Variants in OTUD7A observed in about 807,000 individuals in gnomAD.
The protein encoded by OTUD7A is OTU deubiquitinase 7A.
In OTUD7A, 12 loss-of-function variants were observed where a neutral mutation model predicts 65.7. The observed-to-expected ratio is 0.18, with a 90% CI of 0.12 to 0.30. OTUD7A has a LOEUF of 0.30. Among genes scored for constraint, OTUD7A ranks in the 10% least tolerant of loss-of-function variants. The probability of loss-of-function intolerance (pLI) is 1.00; values close to 1 mark genes in which losing one functional copy is unlikely to be tolerated. For missense variants in OTUD7A, 1,148 were observed against 1,304.8 expected, an observed-to-expected ratio of 0.88 and a Z score of 1.85; for synonymous variants, 641 against 586.3, an observed-to-expected ratio of 1.09 and a Z score of -1.35.
At chr15:31,618,291 C>G (rs1187399863) in intron 3 of OTUD7A, among the ~76,000 whole-genome samples, 4 of 152,282 alleles carry the variant, frequency 2.6e-5, no homozygotes, top group African/African-American at 9.6e-5. Flanking sequence ...TGGGTATATA[C>G]CCAGTAATGG....
At chr15:31,529,646 C>T (rs566245885) in intron 6 of OTUD7A, among the ~76,000 whole-genome samples, 1 of 152,302 alleles carries the variant, frequency 6.6e-6, no homozygotes, top group Admixed American at 6.5e-5. Flanking sequence ...CCTTGTTCTC[C>T]ATCCTCCTCT....
At chr15:31,803,380 A>G (rs989819189) in intron 1 of OTUD7A, among the ~76,000 whole-genome samples, 1 of 152,174 alleles carries the variant, frequency 6.6e-6, no homozygotes, top group Non-Finnish European at 1.5e-5. Context: ...CATTCCTTAA[A>G]GATTGTATAT....
intron 1 of OTUD7A, among the ~76,000 whole-genome samples, chr15:31,676,098 A>T (rs1256670753): frequency 6.6e-6 from 1 of 152,222 alleles, no homozygotes. Context: ...CACTTCACAC[A>T]TAAAGATATT....
chr15:31,772,438 G>GA (rs1331348883), intron 1 of OTUD7A, among the ~76,000 whole-genome samples: 3 of 151,708 alleles, frequency 2.0e-5, no homozygotes, highest in Admixed American at 1.3e-4. Flanking sequence ...AGGAATAAAC[G>GA]AAAAAAAATG....
rs1567004737 is a variant in OTUD7A, at chr15:31,753,685, A to ATATATATATATATATAT, written c.-99-96609_-99-96608insATATATATATATATATA. Among the ~76,000 whole-genome samples, 160 of 83,650 alleles carry ATATATATATATATATAT rather than the reference A, an allele frequency of 1.9e-3. 5 individuals are homozygous for ATATATATATATATATAT. Among genetic ancestry groups the ATATATATATATATATAT allele is most frequent in the East Asian group, 9.5e-3 (25 of 2,636 alleles). The allele number at this position is 83,650 out of a possible 152,430, so 54.9% of individuals were successfully genotyped here. On this transcript the variant is annotated intron_variant, in intron 1 of 12. Transcript: ENST00000307050. ...ATCATATATATATATATAACCTGTG[A>ATATATATATATATATAT]GATATATATATATATATTATATATA...
intron 3 of OTUD7A, among the ~76,000 whole-genome samples, chr15:31,594,081 T>G (rs374332158): frequency 6.6e-6 from 1 of 152,262 alleles, no homozygotes. Context: ...AAAAAGGAAT[T>G]GAAATACTGA....
At chr15:31,665,725 T>C (rs1339648652) in intron 1 of OTUD7A, among the ~76,000 whole-genome samples, 1 of 152,208 alleles carries the variant, frequency 6.6e-6, no homozygotes, top group African/African-American at 2.4e-5. Flanking sequence ...TGGGCATCCT[T>C]GTCTTGTTCC....
At chr15:31,692,924 T>G (rs982238602) in intron 1 of OTUD7A, among the ~76,000 whole-genome samples, 1 of 150,566 alleles carries the variant, frequency 6.6e-6, no homozygotes, top group African/African-American at 2.5e-5. Flanking sequence ...CCTCACACAC[T>G]TGCACTGGGA....
At chr15:31,722,259 C>T (rs1893760528) in intron 1 of OTUD7A, among the ~76,000 whole-genome samples, 3 of 152,190 alleles carry the variant, frequency 2.0e-5, no homozygotes, top group South Asian at 4.1e-4. Context: ...CTCACCTCAG[C>T]CACGCAGGAA....
At chr15:31,762,909 G>A (rs71476569) in intron 1 of OTUD7A, among the ~76,000 whole-genome samples, 10,423 of 152,088 alleles carry the variant, frequency 0.069, 829 homozygotes, top group African/African-American at 0.2. Flanking sequence ...ATGCTACTCC[G>A]AGACGACAAA....
chr15:31,801,597 A>G (rs1348616092), intron 1 of OTUD7A, among the ~76,000 whole-genome samples: 1 of 152,228 alleles, frequency 6.6e-6, no homozygotes, highest in Non-Finnish European at 1.5e-5. Flanking sequence ...TAACAAAACA[A>G]AAATGAAAAG....
At chr15:31,523,259 G>A (rs1239559122) in intron 8 of OTUD7A, among the ~76,000 whole-genome samples, 1 of 152,202 alleles carries the variant, frequency 6.6e-6, no homozygotes, top group African/African-American at 2.4e-5. Flanking sequence ...GCTGCTGTCT[G>A]TGTCCCCTGT....
At chr15:31,807,013 T>C (rs557933022) in intron 1 of OTUD7A, among the ~76,000 whole-genome samples, 17 of 152,344 alleles carry the variant, frequency 1.1e-4, no homozygotes, top group Non-Finnish European at 2.5e-4. Context: ...CATGTGCCAC[T>C]CTACCACTCT....
chr15:31,550,043 T>C (rs1229407202), intron 5 of OTUD7A, among the ~76,000 whole-genome samples: 1 of 148,484 alleles, frequency 6.7e-6, no homozygotes, highest in African/African-American at 2.5e-5. Flanking sequence ...GAGGTTGCAC[T>C]GAGCCGAGAT....
intron 1 of OTUD7A, among the ~76,000 whole-genome samples, chr15:31,817,051 G>C (rs766326369): frequency 3.3e-5 from 5 of 152,106 alleles, no homozygotes; most frequent in Non-Finnish European, 5.9e-5. Flanking sequence ...CAAATAAGCA[G>C]AAAATAATGA....
intron 1 of OTUD7A, among the ~76,000 whole-genome samples, chr15:31,764,705 T>TA (rs967505843): frequency 5.9e-5 from 9 of 151,330 alleles, no homozygotes; most frequent in South Asian, 2.1e-4. Flanking sequence ...TCACCTAGAT[T>TA]AAAAAAAAAT....
At chr15:31,600,641 C>T (rs988115441) in intron 3 of OTUD7A, among the ~76,000 whole-genome samples, 6 of 152,110 alleles carry the variant, frequency 3.9e-5, no homozygotes, top group African/African-American at 9.7e-5. Flanking sequence ...GGGCTAAATG[C>T]CCTAATTAAA....
chr15:31,816,648 C>T (rs185194439), intron 1 of OTUD7A, among the ~76,000 whole-genome samples: 1 of 151,478 alleles, frequency 6.6e-6, no homozygotes, highest in Non-Finnish European at 1.5e-5. Flanking sequence ...GAGCTGAGAT[C>T]GTGCACTCCA....
intron 1 of OTUD7A, among the ~76,000 whole-genome samples, chr15:31,791,731 G>A: frequency 6.6e-6 from 1 of 151,938 alleles, no homozygotes; most frequent in African/African-American, 2.4e-5. Flanking sequence ...CATCCAGCTG[G>A]CCCCCTCCCT....
Sources: gnomAD v4.1 joint callset for allele counts (sites outside exome capture counted in the v4.1 genomes callset) on GRCh38, gnomAD v4.1.1 for gene constraint, MANE v1.5 for transcripts, NCBI Gene and HGNC (gene_info 2026-07-23, HGNC 2026-07-21) for gene names.